The following NELL2 variants were observed in gnomAD, a reference collection of about 807,000 sequenced individuals.
NELL2 encodes the protein neural EGFL like 2.
In NELL2, 41 loss-of-function variants were observed where a neutral mutation model predicts 109.6. The ratio of observed to expected loss-of-function variants is 0.37; its 90% CI spans 0.29 to 0.49. NELL2 has a LOEUF of 0.49. Among genes scored for constraint, NELL2 ranks in the 20% least tolerant of loss-of-function variants. The pLI is 0.98. For missense variants in NELL2, 900 were observed against 1,008.3 expected, an observed-to-expected ratio of 0.89 and a Z score of 1.45; for synonymous variants, 355 against 344.7, an observed-to-expected ratio of 1.03 and a Z score of -0.33.
chr12:44,897,490 G>A (rs557021233), intron 1 of NELL2, among the ~76,000 whole-genome samples: 133 of 152,144 alleles, frequency 8.7e-4, no homozygotes, highest in African/African-American at 2.4e-3. Context: ...AAAGTGGGGC[G>A]TCACCTCACC....
chr12:44,523,690 A>G (rs1941641611), intron 16 of NELL2: 1 of 563,764 alleles, frequency 1.8e-6, no homozygotes, highest in East Asian at 2.9e-5. Context: ...GTTTGATTTA[A>G]AAAATCAGGT....
At chr12:44,744,679 AC>A (rs1566292395) in intron 9 of NELL2, among the ~76,000 whole-genome samples, 2 of 152,370 alleles carry the variant, frequency 1.3e-5, no homozygotes, top group Middle Eastern at 6.8e-3. Context: ...AGACAACTCT[AC>A]GCAAATAAAC....
intron 16 of NELL2, among the ~76,000 whole-genome samples, chr12:44,526,373 C>T (rs1941773369): frequency 6.6e-6 from 1 of 152,124 alleles, no homozygotes; most frequent in East Asian, 1.9e-4. Flanking sequence ...TCACAACAAC[C>T]CTCGAAGATA....
At chr12:44,521,457 G>A (rs933604861) in intron 18 of NELL2, among the ~76,000 whole-genome samples, 3 of 150,534 alleles carry the variant, frequency 2.0e-5, no homozygotes, top group African/African-American at 7.4e-5. Context: ...GTGAACCCGG[G>A]AGGCGGAGCT....
At chr12:44,761,699 A>G (rs2136550852) in intron 9 of NELL2, among the ~76,000 whole-genome samples, 1 of 152,356 alleles carries the variant, frequency 6.6e-6, no homozygotes, top group Admixed American at 6.5e-5. Context: ...ACACAACTGT[A>G]AAAAAGAATG....
chr12:44,521,642 TA>T (rs1158843088), intron 18 of NELL2, among the ~76,000 whole-genome samples: 1 of 151,298 alleles, frequency 6.6e-6, no homozygotes, highest in East Asian at 1.9e-4. Flanking sequence ...GAAAAAAGAG[TA>T]TTTTTTTTAT....
At chr12:44,896,735 T>C (rs1945597339) in intron 1 of NELL2, among the ~76,000 whole-genome samples, 1 of 152,270 alleles carries the variant, frequency 6.6e-6, no homozygotes, top group East Asian at 1.9e-4. Flanking sequence ...ACCTCCTCTG[T>C]GAAATACATT....
At chr12:44,769,208 T>C (rs1941452505) in intron 9 of NELL2, among the ~76,000 whole-genome samples, 1 of 152,110 alleles carries the variant, frequency 6.6e-6, no homozygotes, top group Non-Finnish European at 1.5e-5. Context: ...TCTATATTGA[T>C]GTGCAAATAA....
intron 13 of NELL2, among the ~76,000 whole-genome samples, chr12:44,616,410 G>A (rs10880658): frequency 0.58 from 88,796 of 151,930 alleles, 26,539 homozygotes; most frequent in East Asian, 0.73. Context: ...TAAATTTCAC[G>A]TAAGTAAATT....
chr12:44,726,111 C>T (rs1171175511), intron 9 of NELL2, among the ~76,000 whole-genome samples: 2 of 151,800 alleles, frequency 1.3e-5, no homozygotes, highest in East Asian at 3.9e-4. Context: ...ACAAGAGAGT[C>T]CTTCAATAAA....
intron 15 of NELL2, among the ~76,000 whole-genome samples, chr12:44,567,116 A>C (rs1277992185): frequency 6.6e-6 from 1 of 152,174 alleles, no homozygotes. Context: ...GGCCTACTAT[A>C]TGCATTTTTA....
chr12:44,845,067 CA>C (rs1944332165), intron 2 of NELL2, among the ~76,000 whole-genome samples: 1 of 152,140 alleles, frequency 6.6e-6, no homozygotes, highest in Non-Finnish European at 1.5e-5. Flanking sequence ...ATAGTTTCCT[CA>C]ATCTAGGGTA....
intron 1 of NELL2, among the ~76,000 whole-genome samples, chr12:44,882,339 G>GTATA (rs1235690039): frequency 1.3e-5 from 2 of 150,266 alleles, no homozygotes; most frequent in African/African-American, 4.9e-5. Context: ...ATATATGTAT[G>GTATA]TATATATATA....
chr12:44,768,991 CCT>C (rs1363404134), intron 9 of NELL2, among the ~76,000 whole-genome samples: 2 of 147,580 alleles, frequency 1.4e-5, no homozygotes, highest in Non-Finnish European at 1.5e-5. Flanking sequence ...ATGTTTTCCC[CCT>C]CTGTTAAAAA....
chr12:44,530,466 G>A (rs1431181517), intron 16 of NELL2, among the ~76,000 whole-genome samples: 1 of 152,206 alleles, frequency 6.6e-6, no homozygotes, highest in Non-Finnish European at 1.5e-5. Flanking sequence ...CTTGCAGTAG[G>A]TAGCTTCTGA....
intron 13 of NELL2, among the ~76,000 whole-genome samples, chr12:44,615,176 G>A (rs1472449631): frequency 6.6e-6 from 1 of 152,020 alleles, no homozygotes; most frequent in Admixed American, 6.6e-5. Flanking sequence ...GGATCTGGTT[G>A]GATCAGGTAG....
At chr12:44,567,235 C>T (rs1943697315) in intron 15 of NELL2, among the ~76,000 whole-genome samples, 1 of 152,168 alleles carries the variant, frequency 6.6e-6, no homozygotes, top group Non-Finnish European at 1.5e-5. Context: ...TAACTCCATC[C>T]TCATTTCTCA....
intron 13 of NELL2, among the ~76,000 whole-genome samples, chr12:44,641,689 CTTTTTTTTTTTTT>C (rs71093817): frequency 1.2e-5 from 1 of 80,626 alleles, no homozygotes; most frequent in Non-Finnish European, 2.2e-5. Context: ...CTAGTTTCTC[CTTTTTTTTTTTTT>C]TTTTTTTTTT....
At chr12:44,815,255 C>A (rs1426631604) in intron 3 of NELL2, among the ~76,000 whole-genome samples, 1 of 152,180 alleles carries the variant, frequency 6.6e-6, no homozygotes, top group Admixed American at 6.5e-5. Context: ...ATAGTAGACA[C>A]CATTTTTATA....
Sources: gnomAD v4.1 joint callset for allele counts (sites outside exome capture counted in the v4.1 genomes callset) on GRCh38, gnomAD v4.1.1 for gene constraint, MANE v1.5 for transcripts, NCBI Gene and HGNC (gene_info 2026-07-23, HGNC 2026-07-21) for gene names.